Variants in C1orf105 observed in about 807,000 individuals in gnomAD.
C1orf105 encodes uncharacterized protein C1orf105.
A neutral mutation model predicts 20.8 loss-of-function variants in C1orf105; 17 were observed. That is an observed-to-expected ratio of 0.82 (90% CI 0.56 to 1.23). C1orf105 has a LOEUF of 1.23. Among genes scored for constraint, C1orf105 ranks in the 50% most tolerant of loss-of-function variants. The pLI is 0.00. For synonymous variants in C1orf105, 72 were observed against 72.1 expected, an observed-to-expected ratio of 1.00 and a Z score of 0.01; for missense variants, 219 against 213.5, an observed-to-expected ratio of 1.03 and a Z score of -0.16.
intron 6 of C1orf105, among the ~76,000 whole-genome samples, chr1:172,467,346 T>C (rs986380534): frequency 5.3e-5 from 8 of 152,204 alleles, no homozygotes; most frequent in African/African-American, 1.9e-4. Flanking sequence ...TTTTCTGGAT[T>C]CTGCTTATCC....
intron 6 of C1orf105, among the ~76,000 whole-genome samples, chr1:172,466,904 T>C (rs566712991): frequency 5.0e-4 from 76 of 152,292 alleles, no homozygotes; most frequent in African/African-American, 1.7e-3. Context: ...CTACTGTTTA[T>C]TATAGCCATG....
intron 1 of C1orf105, among the ~76,000 whole-genome samples, chr1:172,432,428 A>G (rs2071901158): frequency 6.6e-6 from 1 of 152,234 alleles, no homozygotes; most frequent in East Asian, 1.9e-4. Flanking sequence ...CTGTTCTGCA[A>G]TATTTGCTGT....
chr1:172,424,686 C>T (rs138745499), intron 1 of C1orf105, among the ~76,000 whole-genome samples: 1,654 of 152,266 alleles, frequency 0.011, 17 homozygotes, highest in Admixed American at 0.019. Flanking sequence ...CCACCGTGCC[C>T]GGCCTCCTTG....
chr1:172,453,736 GT>G (rs1407879095), intron 3 of C1orf105, among the ~76,000 whole-genome samples: 2 of 152,174 alleles, frequency 1.3e-5, no homozygotes, highest in African/African-American at 4.8e-5. Context: ...ATCAAGAATA[GT>G]GCAAATACAA....
At chr1:172,448,686 C>A (rs182628613) in intron 3 of C1orf105, among the ~76,000 whole-genome samples, 155 bp downstream of exon 3, 1 of 152,162 alleles carries the variant, frequency 6.6e-6, no homozygotes. Flanking sequence ...CCCCACCCCC[C>A]TCACTATGTC....
At position 172,456,433 on chromosome 1, in the gene C1orf105, G is replaced by A; in HGVS notation, c.217G>A (p.Asp73Asn). The change falls in exon 4 of 7, where the codon GAC becomes AAC. Residue 73 changes from aspartate (D) to asparagine (N), a missense_variant. Asp to Asn is a conservative substitution (Grantham distance 23). Coordinates refer to ENST00000367727, the MANE Select transcript of C1orf105 (RefSeq NM_139240.4). ...VLSKARRNQC[D>N]SMLLRNQQLC... is the part of the protein sequence containing the mutation. ...CCCTCAGGCCAGGAGGAACCAGTGT[G>A]ACTCCATGCTGCTCAGAAACCAACA... is the stretch of plus-strand genomic sequence containing the variant. 1 of 1,613,338 alleles carries A rather than the reference G, an allele frequency of 6.2e-7. No individual in the cohort carries two copies. Among genetic ancestry groups the A allele is most frequent in the Non-Finnish European group, 8.5e-7 (1 of 1,179,972 alleles).
At chr1:172,432,909 A>C (rs1395865993) in intron 1 of C1orf105, among the ~76,000 whole-genome samples, 1 of 152,254 alleles carries the variant, frequency 6.6e-6, no homozygotes, top group Non-Finnish European at 1.5e-5. Context: ...TAAACACCAT[A>C]GACAAGACCT....
intron 1 of C1orf105, among the ~76,000 whole-genome samples, chr1:172,427,527 T>G (rs1041035691): frequency 2.0e-5 from 3 of 152,206 alleles, no homozygotes; most frequent in African/African-American, 7.2e-5. Context: ...GCTGCTAAAT[T>G]TCTCTTCTAT....
At chr1:172,441,860 C>G in intron 1 of C1orf105, 3 of 1,614,138 alleles carry the variant, frequency 1.9e-6, no homozygotes, top group Non-Finnish European at 2.5e-6. Context: ...AGCAGAAGGG[C>G]AAAGAGTACG....
At chr1:172,453,234 T>C in intron 3 of C1orf105, 1 of 1,537,530 alleles carries the variant, frequency 6.5e-7, no homozygotes, top group Non-Finnish European at 8.8e-7. Flanking sequence ...CCTTTAAATG[T>C]AAAGTGTAAA....
At chr1:172,430,225 C>T (rs906587865) in intron 1 of C1orf105, 38 of 661,264 alleles carry the variant, frequency 5.7e-5, no homozygotes, top group Non-Finnish European at 8.8e-5. Context: ...GACTAGATCA[C>T]TGAATTTAAG....
chr1:172,427,303 G>A (rs1224093734), intron 1 of C1orf105, among the ~76,000 whole-genome samples: 3 of 152,082 alleles, frequency 2.0e-5, no homozygotes, highest in Non-Finnish European at 2.9e-5. Flanking sequence ...TGCCCTTGTC[G>A]AAAGCCAGGC....
At chr1:172,426,166 C>CT (rs1426895817) in intron 1 of C1orf105, among the ~76,000 whole-genome samples, 5 of 152,174 alleles carry the variant, frequency 3.3e-5, no homozygotes, top group Non-Finnish European at 5.9e-5. Flanking sequence ...CAATCTTACT[C>CT]TAACAAACCA....
Position 172,453,285 on chromosome 1 carries a change from A to G in C1orf105, c.199-3130A>G, listed in dbSNP as rs1648870476. 23 of 1,361,458 alleles carry G rather than the reference A, an allele frequency of 1.7e-5. No homozygotes were observed. The South Asian group carries it at 2.9e-4, about 17-fold the overall frequency. 84.3% of individuals were successfully genotyped at this position (1,361,458 alleles called of 1,614,324 possible). ...CATCCGCCTCTGTCTTTTTGAACAC[A>G]AAGACCATTATCGGTAGGGGAAGGG... is the stretch of plus-strand genomic sequence containing the variant. On this transcript the variant is annotated intron_variant, in intron 3 of 6. Transcript: ENST00000367727.
chr1:172,439,058 A>C (rs1429182920), intron 1 of C1orf105, among the ~76,000 whole-genome samples: 1 of 152,218 alleles, frequency 6.6e-6, no homozygotes, highest in African/African-American at 2.4e-5. Context: ...AAAACCAAAA[A>C]ATTCATGTGA....
At chr1:172,467,664 G>A (rs1196576493) in intron 6 of C1orf105, among the ~76,000 whole-genome samples, 1 of 152,134 alleles carries the variant, frequency 6.6e-6, no homozygotes, top group African/African-American at 2.4e-5. Context: ...TGATGAGACT[G>A]AACTGGATCC....
At chr1:172,442,535 C>T in intron 1 of C1orf105, 1 of 1,614,158 alleles carries the variant, frequency 6.2e-7, no homozygotes, top group Non-Finnish European at 8.5e-7. Context: ...AATCGCCGGT[C>T]CACATAGTTA....
intron 1 of C1orf105, chr1:172,442,793 T>A: frequency 1.7e-6 from 1 of 605,026 alleles, no homozygotes; most frequent in Non-Finnish European, 3.0e-6. Flanking sequence ...CTACAATAGA[T>A]GAATTTGTCT....
chr1:172,455,278 G>A (rs574899196), intron 3 of C1orf105, among the ~76,000 whole-genome samples: 1 of 152,236 alleles, frequency 6.6e-6, no homozygotes, highest in Admixed American at 6.5e-5. Flanking sequence ...GAACAATCTG[G>A]CAAAGGTCAT....
Sources: allele counts gnomAD v4.1 joint callset (sites outside exome capture counted in the v4.1 genomes callset), GRCh38; gene constraint gnomAD v4.1.1; transcripts MANE v1.5; gene names NCBI Gene and HGNC (gene_info 2026-07-23, HGNC 2026-07-21).